KIAA1217: variants seen among roughly 807,000 people sequenced by gnomAD.
KIAA1217 encodes KIAA1217, also known as sickle tail protein homolog.
A neutral mutation model predicts 163.9 loss-of-function variants in KIAA1217; 88 were observed. The ratio of observed to expected loss-of-function variants is 0.54; its 90% CI spans 0.45 to 0.64. KIAA1217 has a LOEUF of 0.64. KIAA1217 is among the 30% of genes least tolerant of loss of function. The probability of loss-of-function intolerance (pLI) is 0.00; values close to 1 mark genes in which losing one functional copy is unlikely to be tolerated. For missense variants in KIAA1217, 2,372 were observed against 2,475.0 expected, an observed-to-expected ratio of 0.96 and a Z score of 0.88; for synonymous variants, 903 against 923.1, an observed-to-expected ratio of 0.98 and a Z score of 0.39.
chr10:24,044,610 C>A (rs1848859905), intron 2 of KIAA1217, among the ~76,000 whole-genome samples: 1 of 151,942 alleles, frequency 6.6e-6, no homozygotes, highest in Non-Finnish European at 1.5e-5. Context: ...CTTAAATTTT[C>A]TCTTCCGTAC....
At chr10:24,544,912 G>A (rs566964392) in intron 19 of KIAA1217, 69 bp from the exon 20 acceptor site, 2 of 1,545,524 alleles carry the variant, frequency 1.3e-6, no homozygotes, top group Non-Finnish European at 1.8e-6. Context: ...CACATCGTGG[G>A]GCAGCCTCAC....
intron 2 of KIAA1217, among the ~76,000 whole-genome samples, chr10:24,183,220 C>A (rs1161185914): frequency 1.3e-5 from 2 of 152,190 alleles, no homozygotes; most frequent in Admixed American, 1.3e-4. Context: ...TCCCAGACTG[C>A]AGAATGATGA....
intron 1 of KIAA1217, among the ~76,000 whole-genome samples, chr10:23,748,982 A>G (rs558228193): frequency 6.6e-6 from 1 of 152,176 alleles, no homozygotes; most frequent in Admixed American, 6.5e-5. Flanking sequence ...CTCTGCCACC[A>G]TCCACCCCTG....
chr10:24,407,395 G>A (rs972951371), intron 3 of KIAA1217, among the ~76,000 whole-genome samples: 1 of 152,102 alleles, frequency 6.6e-6, no homozygotes, highest in Admixed American at 6.5e-5. Context: ...CTGGGTTCAA[G>A]CAATCCTCCT....
rs1452527601 is a variant in KIAA1217 at position 23,894,242 on chromosome 10, C to G, written c.-320-112983C>G. ...ACATGATTGTATATCTAGAAAACCC[C>G]ATTGTCTCAGCCCAAAATCTCCTTC... is the stretch of plus-strand genomic sequence containing the variant. On this transcript the variant is annotated intron_variant, in intron 1 of 18. Coordinates refer to the KIAA1217 transcript ENST00000376462. Among the ~76,000 whole-genome samples, 59 of 151,672 alleles carry G rather than the reference C, an allele frequency of 3.9e-4. No individual in the cohort carries two copies. In the East Asian group the frequency reaches 7.0e-3, roughly 18 times the overall value.
At chr10:24,100,207 G>A (rs1159714520) in intron 2 of KIAA1217, among the ~76,000 whole-genome samples, 2 of 151,644 alleles carry the variant, frequency 1.3e-5, no homozygotes, top group African/African-American at 4.8e-5. Context: ...ATGTTAGTTA[G>A]GTTGGTAATA....
intron 5 of KIAA1217, among the ~76,000 whole-genome samples, chr10:24,450,162 C>T (rs561038615): frequency 2.6e-4 from 39 of 152,206 alleles, no homozygotes; most frequent in African/African-American, 8.7e-4. Flanking sequence ...GAGGCAAAGT[C>T]GATAATTTGA....
intron 2 of KIAA1217, among the ~76,000 whole-genome samples, chr10:24,294,313 T>G (rs1368015245): frequency 6.6e-6 from 1 of 150,764 alleles, no homozygotes; most frequent in Non-Finnish European, 1.5e-5. Context: ...TACATTTCAC[T>G]CTTTTCCCCT....
At chr10:24,319,290 C>T (rs994080516) in intron 2 of KIAA1217, among the ~76,000 whole-genome samples, 3 of 147,100 alleles carry the variant, frequency 2.0e-5, no homozygotes, top group African/African-American at 7.6e-5. Context: ...GCATGAGAAT[C>T]CCTTGAACCC....
intron 14 of KIAA1217, among the ~76,000 whole-genome samples, chr10:24,529,270 T>C (rs1291737042): frequency 6.6e-6 from 1 of 152,178 alleles, no homozygotes; most frequent in African/African-American, 2.4e-5. Flanking sequence ...TAAAATGGCA[T>C]GGTATTTGCA....
chr10:24,490,442 C>T (rs1159811042), intron 6 of KIAA1217, among the ~76,000 whole-genome samples: 1 of 152,214 alleles, frequency 6.6e-6, no homozygotes. Context: ...CACTTCCTAA[C>T]ATTTCATCAT....
At chr10:23,776,769 C>T (rs185683921) in intron 1 of KIAA1217, among the ~76,000 whole-genome samples, 1 of 147,882 alleles carries the variant, frequency 6.8e-6, no homozygotes, top group African/African-American at 2.5e-5. Flanking sequence ...CAACCTCTGC[C>T]TCCTGGGTTC....
intron 5 of KIAA1217, among the ~76,000 whole-genome samples, chr10:24,448,504 A>C (rs983145892): frequency 2.0e-5 from 3 of 152,130 alleles, no homozygotes; most frequent in Non-Finnish European, 4.4e-5. Flanking sequence ...CCTCTGCCCC[A>C]GCCTCCTGAT....
At chr10:24,370,598 G>C (rs2051495719) in intron 2 of KIAA1217, among the ~76,000 whole-genome samples, 1 of 152,118 alleles carries the variant, frequency 6.6e-6, no homozygotes, top group South Asian at 2.1e-4. Flanking sequence ...TTTTTTTAGA[G>C]ACAGGATCTT....
At chr10:24,001,948 A>T (rs1465267614) in intron 1 of KIAA1217, among the ~76,000 whole-genome samples, 3 of 152,160 alleles carry the variant, frequency 2.0e-5, no homozygotes, top group Admixed American at 2.0e-4. Flanking sequence ...AGAGGGTGTC[A>T]CACACAGCAA....
chr10:24,391,158 T>TA (rs981959369), intron 3 of KIAA1217, among the ~76,000 whole-genome samples: 13 of 151,990 alleles, frequency 8.6e-5, no homozygotes, highest in Non-Finnish European at 1.8e-4. Flanking sequence ...GGGACATAGG[T>TA]AAAAAAGCAT....
chr10:24,106,527 C>T (rs1458315580), intron 2 of KIAA1217, among the ~76,000 whole-genome samples: 1 of 151,398 alleles, frequency 6.6e-6, no homozygotes, highest in Non-Finnish European at 1.5e-5. Context: ...ATGAATTTCC[C>T]ATTCAAGCTC....
At chr10:24,255,481 T>C (rs1590263492) in intron 2 of KIAA1217, 1 of 455,450 alleles carries the variant, frequency 2.2e-6, no homozygotes, top group East Asian at 7.0e-5. Context: ...TGATGTTCCA[T>C]GCCACATCTG....
intron 7 of KIAA1217, 56 bp downstream of exon 7, chr10:24,494,660 A>C (rs2066552000): frequency 8.7e-7 from 1 of 1,145,664 alleles, no homozygotes; most frequent in South Asian, 1.3e-5. Context: ...TCTTTTAATC[A>C]TTAAGATAAT....
Sources: allele counts gnomAD v4.1 joint callset (sites outside exome capture counted in the v4.1 genomes callset), GRCh38; gene constraint gnomAD v4.1.1; transcripts MANE v1.5; gene names NCBI Gene and HGNC (gene_info 2026-07-23, HGNC 2026-07-21).